ZFYVE26: variants seen among roughly 807,000 people sequenced by gnomAD.
ZFYVE26 encodes the protein zinc finger FYVE-type containing 26, also known as zinc finger FYVE domain-containing protein 26.
ZFYVE26 carries 181 observed loss-of-function variants against 276.5 expected under a neutral mutation model. The ratio of observed to expected loss-of-function variants is 0.65; its 90% CI spans 0.58 to 0.74. The LOEUF is 0.74. Ranked by LOEUF, ZFYVE26 falls within the 30% of genes least tolerant of loss-of-function variation. ZFYVE26 has a pLI of 0.00. For synonymous variants in ZFYVE26, 1,129 were observed against 1,203.1 expected, an observed-to-expected ratio of 0.94 and a Z score of 1.27; for missense variants, 2,821 against 3,097.9, an observed-to-expected ratio of 0.91 and a Z score of 2.12.
At chr14:67,786,446 C>G (rs2039661909) in intron 16 of ZFYVE26, among the ~76,000 whole-genome samples, 2 of 152,212 alleles carry the variant, frequency 1.3e-5, no homozygotes, top group Admixed American at 6.5e-5. Context: ...CCTCAGCTGT[C>G]AACAACATCA....
chr14:67,785,253 GA>G lies in ZFYVE26; in HGVS notation c.3328del (p.Ser1110ProfsTer61). ...TTTCTGGGCTGCCTGCTCCACCAGGGAAGACAGTGGAGGAGTCCTGGGCTCT... is the reference window on the plus strand; with the variant it reads ...TTTCTGGGCTGCCTGCTCCACCAGGGAGACAGTGGAGGAGTCCTGGGCTCT... ...LPEPRTPPLS[S>X]LVEQAAQKAP... On this transcript the variant is annotated frameshift_variant, in exon 19 of 42. Transcript: ENST00000347230. LOFTEE classifies it high-confidence loss of function. 1 of 1,610,212 alleles carries G rather than the reference GA, an allele frequency of 6.2e-7. No homozygotes were observed. The highest frequency in any genetic ancestry group is 8.5e-7 in the Non-Finnish European group (1 of 1,178,028).
intron 35 of ZFYVE26, among the ~76,000 whole-genome samples, chr14:67,757,800 C>T (rs770972658): frequency 2.9e-4 from 44 of 151,846 alleles, no homozygotes; most frequent in Non-Finnish European, 5.7e-4. Context: ...CTGCAACCTC[C>T]GCCTCCTGGG....
intron 3 of ZFYVE26, among the ~76,000 whole-genome samples, chr14:67,810,102 A>G (rs1473623146): frequency 6.6e-6 from 1 of 152,298 alleles, no homozygotes; most frequent in East Asian, 1.9e-4. Context: ...ATTCTTTATA[A>G]ACAAAAATAG....
intron 37 of ZFYVE26, among the ~76,000 whole-genome samples, 191 bp from the exon 38 acceptor site, chr14:67,754,403 A>G (rs111954420): frequency 2.1e-4 from 32 of 152,334 alleles, no homozygotes; most frequent in African/African-American, 7.5e-4. Flanking sequence ...TCCTGCACAG[A>G]CTCACAATAT....
At chr14:67,808,259 C>A (rs1375236959) in intron 4 of ZFYVE26, among the ~76,000 whole-genome samples, 1 of 152,152 alleles carries the variant, frequency 6.6e-6, no homozygotes, top group Non-Finnish European at 1.5e-5. Flanking sequence ...TGATGTGAAT[C>A]AAGGTCTGCC....
intron 9 of ZFYVE26, among the ~76,000 whole-genome samples, chr14:67,803,250 A>C (rs2040113311): frequency 6.6e-6 from 1 of 151,984 alleles, no homozygotes; most frequent in African/African-American, 2.4e-5. Context: ...GAGGGAAATA[A>C]GATAAAACTT....
intron 19 of ZFYVE26, 122 bp from the exon 20 acceptor site, chr14:67,784,558 T>G: frequency 1.2e-6 from 1 of 857,720 alleles, no homozygotes; most frequent in Non-Finnish European, 2.0e-6. Flanking sequence ...GAGCCTTCTG[T>G]TAATTCATTC....
At chr14:67,798,976 G>T (rs1473906108) in intron 10 of ZFYVE26, 1 of 1,133,224 alleles carries the variant, frequency 8.8e-7, no homozygotes, top group South Asian at 1.2e-5. Context: ...GGGAGGGGCG[G>T]GGGTGATTTA....
At position 67,767,665 on chromosome 14, in the gene ZFYVE26, A is replaced by G. The variant is rs780577690; in HGVS notation, c.5790+39T>C. ...TTCTTGTCATACTGCTACACATCAT[A>G]AAGAAACTTAAGTGACCATTGCATT... On this transcript the variant is annotated intron_variant, in intron 31 of 41. Transcript: ENST00000347230. The G allele has an allele frequency of 7.4e-6, 12 of 1,613,822 alleles. 1 individual carries two copies. Among genetic ancestry groups the G allele is most frequent in the Non-Finnish European group, 1.0e-5 (12 of 1,179,900 alleles).
chr14:67,739,665 C>G (rs1217764506), intron 13 of ZFYVE26, among the ~76,000 whole-genome samples: 1 of 152,186 alleles, frequency 6.6e-6, no homozygotes, highest in East Asian at 1.9e-4. Context: ...GTTCTGTCAT[C>G]TTCCATTGAT....
Position 67,789,403 on chromosome 14 carries a change from A to C in ZFYVE26, c.2951T>G (p.Leu984Arg). The C allele has an allele frequency of 6.2e-7, 1 of 1,614,200 alleles. No individual in the cohort carries two copies. The highest frequency in any genetic ancestry group is 8.5e-7 in the Non-Finnish European group (1 of 1,180,022). ...CAAAAGCTGCTTGCAGGTTTTCCAG[A>C]GCTGGCACTGAGAGCAAGCTAGGTC... is the stretch of plus-strand genomic sequence containing the variant. ...AFDLACSQCQ[L>R]WKTCKQLLET... Residue 984 changes from leucine to arginine, a missense_variant, in exon 16 of 42, where the codon CTC becomes CGC. Transcript: ENST00000347230.
intron 10 of ZFYVE26, among the ~76,000 whole-genome samples, chr14:67,800,296 A>G (rs2040050146): frequency 6.6e-6 from 1 of 152,210 alleles, no homozygotes; most frequent in Admixed American, 6.5e-5. Context: ...GCTTTATAAT[A>G]GACAGCCTGG....
intron 5 of ZFYVE26, 60 bp from the exon 6 acceptor site, chr14:67,806,735 C>T: frequency 8.7e-6 from 14 of 1,602,556 alleles, no homozygotes; most frequent in Non-Finnish European, 1.2e-5. Context: ...TAAGCTAGAG[C>T]CCATTTGAAC....
At chr14:67,772,646 C>CT (rs1284471257) in intron 27 of ZFYVE26, among the ~76,000 whole-genome samples, 1 of 152,174 alleles carries the variant, frequency 6.6e-6, no homozygotes, top group East Asian at 1.9e-4. Flanking sequence ...ATTAAAGGCG[C>CT]TTTAAGAGGC....
rs774866109 is a variant in ZFYVE26 at position 67,809,190 on chromosome 14, T to A, written c.363+10A>T. The A allele has an allele frequency of 6.2e-7, 1 of 1,612,086 alleles. No homozygotes were observed. The highest frequency in any genetic ancestry group is 8.5e-7 in the Non-Finnish European group (1 of 1,178,254). ...AACCCTGGGCAGATGGTACCAGGGC[T>A]CTCTCTCACCTCGAGGATGTTCTCT... On this transcript the variant is annotated intron_variant, in intron 4 of 41. Transcript: ENST00000347230.
chr14:67,743,417 G>T (rs1321087593), downstream of ZFYVE26, among the ~76,000 whole-genome samples: 1 of 152,032 alleles, frequency 6.6e-6, no homozygotes, highest in African/African-American at 2.4e-5. Context: ...CTTGAGCCCA[G>T]GAGGCAGAGG....
chr14:67,762,869 A>G lies in ZFYVE26; in HGVS notation c.6012-50T>C, dbSNP rs1274130550. On this transcript the variant is annotated intron_variant, in intron 32 of 41. Coordinates refer to ENST00000347230, the MANE Select transcript of ZFYVE26 (RefSeq NM_015346.4). ...CATGAGGCTCCCTAGTGTCTTACTA[A>G]GAGTAGCCGCTTAAAGGTTTCCTAT... 7 of 1,609,364 alleles carry G rather than the reference A, an allele frequency of 4.3e-6. No individual in the cohort carries two copies. The East Asian group carries it at 1.6e-4, about 36-fold the overall frequency.
intron 24 of ZFYVE26, 54 bp from the exon 25 acceptor site, chr14:67,777,789 C>G (rs2039386559): frequency 1.9e-6 from 3 of 1,600,400 alleles, no homozygotes; most frequent in Admixed American, 3.3e-5. Context: ...GCTCTTAGAC[C>G]AGCTTTGTTT....
In ZFYVE26 at chr14:67,774,545, G is replaced by A. The variant is rs184358624; in HGVS notation, c.5320+471C>T. Among the ~76,000 whole-genome samples, 9 of 152,134 alleles carry A rather than the reference G, an allele frequency of 5.9e-5. No homozygotes were observed. The South Asian group carries it at 8.3e-4, about 14-fold the overall frequency. On this transcript the variant is annotated intron_variant, in intron 27 of 41. Transcript: ENST00000347230. ...AGATGGGGATGGTAGCGGACAGTGCGGGGTAGTGCCAGAAGCTCAGTGCTG... is the reference window on the plus strand; with the variant it reads ...AGATGGGGATGGTAGCGGACAGTGCAGGGTAGTGCCAGAAGCTCAGTGCTG...
Sources: gnomAD v4.1 joint callset for allele counts (sites outside exome capture counted in the v4.1 genomes callset) on GRCh38, gnomAD v4.1.1 for gene constraint, MANE v1.5 for transcripts, NCBI Gene and HGNC (gene_info 2026-07-23, HGNC 2026-07-21) for gene names.